The following SPATA1 variants were observed in gnomAD, a reference collection of about 807,000 sequenced individuals.
The protein encoded by SPATA1 is spermatogenesis associated 1.
A neutral mutation model predicts 59.6 loss-of-function variants in SPATA1; 57 were observed. That is an observed-to-expected ratio of 0.96 (90% CI 0.77 to 1.19). The LOEUF (loss-of-function observed/expected upper bound fraction) is 1.19. Among genes scored for constraint, SPATA1 ranks in the 50% most tolerant of loss-of-function variants. The pLI, the probability that SPATA1 is intolerant of heterozygous loss-of-function variation, is 0.00. For synonymous variants in SPATA1, 147 were observed against 163.9 expected, an observed-to-expected ratio of 0.90 and a Z score of 0.79; for missense variants, 448 against 480.7, an observed-to-expected ratio of 0.93 and a Z score of 0.64.
intron 2 of SPATA1, among the ~76,000 whole-genome samples, chr1:84,517,889 C>T (rs1224890245): frequency 1.3e-5 from 2 of 152,036 alleles, no homozygotes; most frequent in African/African-American, 4.8e-5. Flanking sequence ...ATAGTCTGTT[C>T]TAGCTATGAT....
intron 4 of SPATA1, among the ~76,000 whole-genome samples, chr1:84,564,277 A>C (rs529540273): frequency 9.2e-5 from 14 of 152,330 alleles, no homozygotes; most frequent in Admixed American, 8.5e-4. Context: ...ATATTCTGTA[A>C]GTAAGCTGGG....
intron 1 of SPATA1, among the ~76,000 whole-genome samples, chr1:84,510,868 G>A (rs1198271138): frequency 6.6e-6 from 1 of 152,130 alleles, no homozygotes; most frequent in Non-Finnish European, 1.5e-5. Context: ...GCAACAACAT[G>A]GATAGAACTG....
In SPATA1 at chr1:84,526,174, T is replaced by C. The variant is rs775547929; in HGVS notation, c.544+101T>C. 23 of 935,294 alleles carry C rather than the reference T, an allele frequency of 2.5e-5. No individual in the cohort carries two copies. In the Admixed American group the frequency reaches 5.3e-4, roughly 21 times the overall value. The allele number at this position is 935,294 out of a possible 1,614,324, so 57.9% of individuals were successfully genotyped here. On this transcript the variant is annotated intron_variant, in intron 6 of 12. Transcript: ENST00000490879. ...CTGAGCAAACCTAGCCTTACAAATA[T>C]AGGCAGTTTAAAAAGAAAGCTACAA...
intron 8 of SPATA1, among the ~76,000 whole-genome samples, chr1:84,540,735 AAT>A (rs1306103064): frequency 6.6e-6 from 1 of 152,242 alleles, no homozygotes; most frequent in Non-Finnish European, 1.5e-5. Flanking sequence ...TCCTGAGCAC[AAT>A]ATTCCCTTAG....
intron 2 of SPATA1, chr1:84,520,084 G>A (rs1180686868): frequency 3.3e-5 from 5 of 152,336 alleles, no homozygotes; most frequent in Non-Finnish European, 5.9e-5. Context: ...GTCAGGAATA[G>A]GTTCTTCCTG....
At chr1:84,563,869 C>T (rs1386505196) in intron 4 of SPATA1, 1 of 1,586,150 alleles carries the variant, frequency 6.3e-7, no homozygotes, top group Non-Finnish European at 8.6e-7. Context: ...ATTTGTTTCT[C>T]TTCATATGTC....
chr1:84,565,008 C>T (rs1684664987), intron 4 of SPATA1, among the ~76,000 whole-genome samples: 1 of 151,906 alleles, frequency 6.6e-6, no homozygotes, highest in Non-Finnish European at 1.5e-5. Flanking sequence ...CACTGCACTC[C>T]AGCCTGGGCA....
Position 84,535,910 on chromosome 1 carries a change from C to T in SPATA1, c.717+2144C>T, listed in dbSNP as rs189199503. On this transcript the variant is annotated intron_variant, in intron 8 of 12. Coordinates refer to ENST00000490879, the Ensembl canonical transcript of SPATA1. ...AGCGTAGTTCTGGTGATGGCCTCAA[C>T]AATGGTAATTTCACTAATGGAAACA... is the stretch of plus-strand genomic sequence containing the variant. 1.6e-4 allele frequency among the ~76,000 whole-genome samples: 24 copies of T among 152,238 alleles called. No individual in the cohort carries two copies. In the East Asian group the frequency reaches 3.1e-3, roughly 20 times the overall value.
downstream of SPATA1, among the ~76,000 whole-genome samples, chr1:84,558,604 T>TA (rs112293082): frequency 0.016 from 2,291 of 139,804 alleles, 38 homozygotes; most frequent in African/African-American, 0.044. Flanking sequence ...TTTTTTTAAT[T>TA]AAAAAAAAAA....
chr1:84,519,509 AT>A (rs1300172852), intron 2 of SPATA1, among the ~76,000 whole-genome samples: 1 of 152,026 alleles, frequency 6.6e-6, no homozygotes, highest in Non-Finnish European at 1.5e-5. Context: ...CCTGTAAAAT[AT>A]TAATACATTT....
chr1:84,549,030 T>C, intron 11 of SPATA1, 66 bp downstream of exon 11: 1 of 1,375,834 alleles, frequency 7.3e-7, no homozygotes, highest in Non-Finnish European at 9.5e-7. Context: ...TTATAAGTGC[T>C]AGTAGTATCA....
intron 6 of SPATA1, 116 bp from the exon 7 acceptor site, chr1:84,532,744 T>C (rs1683521734): frequency 7.8e-6 from 5 of 640,046 alleles, no homozygotes; most frequent in African/African-American, 3.7e-5. Context: ...GGAAAGTTCA[T>C]GGGGATTCTG....
chr1:84,544,404 G>A (rs1684014758), intron 9 of SPATA1, 100 bp downstream of exon 9: 5 of 917,924 alleles, frequency 5.4e-6, no homozygotes, highest in South Asian at 1.6e-5. Context: ...TTCAGTTTGA[G>A]AAGATAAATA....
downstream of SPATA1, among the ~76,000 whole-genome samples, chr1:84,557,783 G>A (rs1684489870): frequency 6.6e-6 from 1 of 151,326 alleles, no homozygotes; most frequent in Admixed American, 6.6e-5. Flanking sequence ...GCGTGAACCC[G>A]GGAGGCGGAG....
intron 6 of SPATA1, among the ~76,000 whole-genome samples, chr1:84,532,541 C>G (rs558748225): frequency 1.3e-5 from 2 of 152,122 alleles, no homozygotes; most frequent in African/African-American, 2.4e-5. Context: ...TTACCTACCC[C>G]GCTCTTGCAG....
intron 8 of SPATA1, among the ~76,000 whole-genome samples, chr1:84,537,957 A>G (rs1403237194): frequency 1.3e-5 from 2 of 152,230 alleles, no homozygotes; most frequent in Non-Finnish European, 2.9e-5. Context: ...AGCATGGGCA[A>G]TAAGGAATGT....
chr1:84,534,020 T>C (rs985442904), intron 8 of SPATA1, among the ~76,000 whole-genome samples: 1 of 152,110 alleles, frequency 6.6e-6, no homozygotes, highest in Non-Finnish European at 1.5e-5. Context: ...GTTTTAAAGG[T>C]ACATCAAACT....
At chr1:84,511,015 A>C (rs562816479) in intron 1 of SPATA1, among the ~76,000 whole-genome samples, 22 of 152,308 alleles carry the variant, frequency 1.4e-4, no homozygotes, top group African/African-American at 5.3e-4. Flanking sequence ...TGGGAAGGGT[A>C]GTGGGGTGGG....
intron 6 of SPATA1, among the ~76,000 whole-genome samples, chr1:84,529,798 G>C (rs956949966): frequency 6.6e-6 from 1 of 151,314 alleles, no homozygotes; most frequent in Non-Finnish European, 1.5e-5. Flanking sequence ...CACCCGCCTC[G>C]GCCTCCCAAA....
Sources: gnomAD v4.1 joint callset for allele counts (sites outside exome capture counted in the v4.1 genomes callset) on GRCh38, gnomAD v4.1.1 for gene constraint, MANE v1.5 for transcripts, NCBI Gene and HGNC (gene_info 2026-07-23, HGNC 2026-07-21) for gene names.